The following SUFU variants were observed in gnomAD, a reference collection of about 807,000 sequenced individuals.
SUFU encodes suppressor of fused homolog.
SUFU carries 7 observed loss-of-function variants against 58.9 expected under a neutral mutation model. The observed-to-expected ratio is 0.12, with a 90% CI of 0.07 to 0.22. The LOEUF (loss-of-function observed/expected upper bound fraction) is 0.22. Ranked by LOEUF, SUFU falls within the 10% of genes least tolerant of loss-of-function variation. The pLI, the probability that SUFU is intolerant of heterozygous loss-of-function variation, is 1.00. For synonymous variants in SUFU, 232 were observed against 254.8 expected (o/e 0.91, Z 0.85); for missense variants, 451 against 641.3 (o/e 0.70, Z 3.20).
Position 102,507,961 on chromosome 10 carries a change from ATTT to A in SUFU, c.183-1187_183-1185del, listed in dbSNP as rs3061832. On this transcript the variant is annotated intron_variant, in intron 1 of 11. Transcript: ENST00000369902. ...CTCTAGCTACCAAAATTTCTTATCC[ATTT>A]TTTTTTTTTTTTTTTTTTTTAGACA... 2.3e-3 allele frequency among the ~76,000 whole-genome samples: 273 copies of A among 116,552 alleles called. 1 individual carries two copies. Among genetic ancestry groups the A allele is most frequent in the Admixed American group, 0.012 (139 of 11,334 alleles). 76.5% of individuals were successfully genotyped at this position (116,552 alleles called of 152,430 possible). A position where few individuals can be genotyped will look rare whatever the true frequency, so the allele number is the denominator to read the frequency against.
At chr10:102,517,787 A>C (rs1335329373) in intron 2 of SUFU, among the ~76,000 whole-genome samples, 1 of 152,148 alleles carries the variant, frequency 6.6e-6, no homozygotes, top group Non-Finnish European at 1.5e-5. Flanking sequence ...CGTCCAACTA[A>C]CTTTGCAGCT....
At chr10:102,584,129 T>C (rs971800278) in intron 3 of SUFU, among the ~76,000 whole-genome samples, 3 of 152,204 alleles carry the variant, frequency 2.0e-5, no homozygotes, top group African/African-American at 7.2e-5. Flanking sequence ...GTAGGCACGC[T>C]ATTTCCTGTT....
At chr10:102,571,198 A>G (rs1018078158) in intron 3 of SUFU, among the ~76,000 whole-genome samples, 22 of 152,190 alleles carry the variant, frequency 1.4e-4, no homozygotes, top group Non-Finnish European at 2.8e-4. Context: ...TTGGGTGACT[A>G]TTTGCACCCA....
chr10:102,539,071 T>G (rs2062772084), intron 2 of SUFU, among the ~76,000 whole-genome samples: 1 of 152,228 alleles, frequency 6.6e-6, no homozygotes, highest in Non-Finnish European at 1.5e-5. Context: ...TGCCTGGGCT[T>G]TTCCTGGTAT....
rs770246373 is a variant in SUFU at position 102,599,448 on chromosome 10, G to A, written c.926G>A (p.Arg309Gln). Residue 309 changes from arginine to glutamine, a missense_variant, in exon 8 of 12, where the codon CGG becomes CAG. Arg to Gln is a conservative substitution (Grantham distance 43, BLOSUM62 1). Coordinates refer to ENST00000369902, the MANE Select transcript of SUFU (RefSeq NM_016169.4). ...RLSGKDTEQI[R>Q]ETLRRGLEIN... The stretch of plus-strand genomic sequence containing the variant: ...GTCGTTGCAGACACAGAGCAGATCC[G>A]GGAGACCCTGAGGAGAGGACTCGAG... The A allele has an allele frequency of 1.5e-5, 24 of 1,613,930 alleles. No individual in the cohort carries two copies. The highest frequency in any genetic ancestry group is 1.9e-5 in the Non-Finnish European group (23 of 1,179,990).
chr10:102,628,503 C>G lies in SUFU; in HGVS notation c.1365+1260C>G, dbSNP rs1272432030. Among the ~76,000 whole-genome samples the G allele has an allele frequency of 6.6e-6, 1 of 152,164 alleles. No homozygotes were observed. The highest frequency in any genetic ancestry group is 1.9e-4 in the East Asian group (1 of 5,198). On this transcript the variant is annotated intron_variant, in intron 11 of 11. Coordinates refer to ENST00000369902, the MANE Select transcript of SUFU (RefSeq NM_016169.4). This position sits in a 1 kb window ranked among gnomAD's most constrained non-coding sequence, Gnocchi z 4.5. ...CAGACCAGAGCCAGCTGCCCAGAAG[C>G]GCTTCCGGAGAGGCCTTGTCGCACT...
intron 3 of SUFU, among the ~76,000 whole-genome samples, chr10:102,565,843 G>C (rs557997489): frequency 6.6e-6 from 1 of 152,268 alleles, no homozygotes; most frequent in African/African-American, 2.4e-5. Context: ...ACCACGCCTG[G>C]CCGAAAGCAT....
intron 3 of SUFU, among the ~76,000 whole-genome samples, chr10:102,582,300 T>G (rs2063289539): frequency 6.6e-6 from 1 of 152,020 alleles, no homozygotes; most frequent in Non-Finnish European, 1.5e-5. Context: ...CTGTCTAGAG[T>G]TAGGATGAAT....
At chr10:102,518,692 A>G (rs929750053) in intron 2 of SUFU, among the ~76,000 whole-genome samples, 2 of 151,996 alleles carry the variant, frequency 1.3e-5, no homozygotes, top group African/African-American at 4.8e-5. Flanking sequence ...TACTGCAGGC[A>G]TGCACCATCA....
intron 3 of SUFU, among the ~76,000 whole-genome samples, chr10:102,590,369 G>T (rs555828960): frequency 6.6e-6 from 1 of 151,896 alleles, no homozygotes; most frequent in East Asian, 1.9e-4. Context: ...GTTTCACTTT[G>T]TTGGCCAGGC....
At chr10:102,624,881 AC>A (rs927185594) in intron 10 of SUFU, among the ~76,000 whole-genome samples, 1 of 150,786 alleles carries the variant, frequency 6.6e-6, no homozygotes, top group African/African-American at 2.4e-5. Context: ...ACCCCATCTC[AC>A]CCCCAGCACT....
chr10:102,573,164 G>T (rs538148010), intron 3 of SUFU: 59 of 774,412 alleles, frequency 7.6e-5, no homozygotes, highest in South Asian at 7.5e-4. Context: ...GGCCTTCAAA[G>T]CCTTTGCTTT....
chr10:102,596,729 T>C (rs1023516921), intron 6 of SUFU, among the ~76,000 whole-genome samples: 5 of 152,132 alleles, frequency 3.3e-5, no homozygotes, highest in African/African-American at 1.2e-4. Context: ...AGGTTCTGCC[T>C]GAAGATCGGG....
intron 3 of SUFU, among the ~76,000 whole-genome samples, chr10:102,568,939 T>TATATAC (rs2063130854): frequency 2.3e-5 from 1 of 43,762 alleles, no homozygotes; most frequent in African/African-American, 8.3e-5. Context: ...TATATATATA[T>TATATAC]ATATATATAT....
intron 3 of SUFU, among the ~76,000 whole-genome samples, chr10:102,581,706 C>T (rs1428536538): frequency 6.6e-6 from 1 of 152,236 alleles, no homozygotes; most frequent in African/African-American, 2.4e-5. Context: ...AACCTTTCCT[C>T]CTCAGCAGTC....
At chr10:102,586,932 C>T (rs552094093) in intron 3 of SUFU, among the ~76,000 whole-genome samples, 5 of 152,330 alleles carry the variant, frequency 3.3e-5, no homozygotes, top group East Asian at 1.9e-4. Flanking sequence ...ACCCTAGGTA[C>T]TTCATGTAAG....
rs542221049 is a variant in SUFU at position 102,536,031 on chromosome 10, C to T, written c.318-13939C>T. Among the ~76,000 whole-genome samples, 8 of 152,214 alleles carry T rather than the reference C, an allele frequency of 5.3e-5. No individual in the cohort carries two copies. In the South Asian group the frequency reaches 1.7e-3, roughly 32 times the overall value. On this transcript the variant is annotated intron_variant, in intron 2 of 11. Transcript: ENST00000369902. ...TCGCTTCGGTTAGAGTGCAGTGGCA[C>T]CATCTCAGCTCACTAGAGCCTCTGT...
chr10:102,520,173 T>C (rs2062531854), intron 2 of SUFU, among the ~76,000 whole-genome samples: 2 of 152,104 alleles, frequency 1.3e-5, no homozygotes, highest in African/African-American at 2.4e-5. Flanking sequence ...TAGTTTACCT[T>C]AGGCTTCACT....
At chr10:102,550,704 G>A (rs1365932954) in intron 3 of SUFU, among the ~76,000 whole-genome samples, 3 of 151,402 alleles carry the variant, frequency 2.0e-5, no homozygotes, top group South Asian at 2.1e-4. Flanking sequence ...ACTAAATTTG[G>A]AGAACCATAG....
Sources: gnomAD v4.1 joint callset for allele counts (sites outside exome capture counted in the v4.1 genomes callset) on GRCh38, gnomAD v4.1.1 for gene constraint, Gnocchi (gnomAD v3.1) non-coding constraint, MANE v1.5 for transcripts, NCBI Gene and HGNC (gene_info 2026-07-23, HGNC 2026-07-21) for gene names.